Variants in ZNF677 observed in about 807,000 individuals in gnomAD.
The protein encoded by ZNF677 is zinc finger protein 677.
ZNF677 carries 5 observed loss-of-function variants against 8.1 expected under a neutral mutation model. The observed-to-expected ratio is 0.62, with a 90% CI of 0.32 to 1.29. The LOEUF (loss-of-function observed/expected upper bound fraction) is 1.29, where lower values mean the gene tolerates loss of function less well. Among genes scored for constraint, ZNF677 ranks in the 50% most tolerant of loss-of-function variants. The pLI is 0.05. For synonymous variants in ZNF677, 221 were observed against 225.6 expected (o/e 0.98, Z 0.18); for missense variants, 685 against 685.9 (o/e 1.00, Z 0.01).
chr19:53,246,487 T>TACACACACACACAC (rs60644090), intron 3 of ZNF677, among the ~76,000 whole-genome samples: 4 of 140,266 alleles, frequency 2.9e-5, no homozygotes, highest in Non-Finnish European at 4.6e-5. Flanking sequence ...AAAGAAAATG[T>TACACACACACACAC]ACACACACAC....
In ZNF677 at chr19:53,237,711, C is replaced by A. The variant is rs1182210540; in HGVS notation, c.1016G>T (p.Arg339Met). ...SQNSNLASHQRMHTGEKPYKC... is the reference protein window; with the variant it reads ...SQNSNLASHQMMHTGEKPYKC... Reference sequence around the variant, plus strand: ...GTAAGGTTTCTCTCCAGTATGCATCCTCTGATGACTTGCAAGATTTGAATT... The same window carrying A: ...GTAAGGTTTCTCTCCAGTATGCATCATCTGATGACTTGCAAGATTTGAATT... Residue 339 changes from arginine to methionine, a missense_variant, in exon 5 of 5, where the codon AGG (arginine) becomes ATG (methionine). Coordinates refer to ENST00000598513, the MANE Select transcript of ZNF677 (RefSeq NM_182609.4). 1 of 1,613,708 alleles carries A rather than the reference C, an allele frequency of 6.2e-7. No homozygotes were observed. The highest frequency in any genetic ancestry group is 1.7e-5 in the Admixed American group (1 of 59,990).
chr19:53,244,485 G>A (rs2091104957), intron 3 of ZNF677, among the ~76,000 whole-genome samples: 1 of 152,154 alleles, frequency 6.6e-6, no homozygotes. Flanking sequence ...CAAAAGAAAT[G>A]CCGTACCCAT....
intron 1 of ZNF677, among the ~76,000 whole-genome samples, chr19:53,253,402 A>G (rs1258202622): frequency 6.6e-6 from 1 of 152,210 alleles, no homozygotes; most frequent in Non-Finnish European, 1.5e-5. Flanking sequence ...AAAAGTAGAA[A>G]GCATTTAGGC....
intron 2 of ZNF677, 47 bp from the exon 3 acceptor site, chr19:53,251,652 CCT>C: frequency 2.9e-6 from 4 of 1,356,852 alleles, no homozygotes; most frequent in Non-Finnish European, 4.1e-6. Context: ...CAACACACCC[CCT>C]GCCTCTACCA....
At chr19:53,253,261 T>C (rs1486041265) in intron 1 of ZNF677, 105 bp from the exon 2 acceptor site, 1 of 152,186 alleles carries the variant, frequency 6.6e-6, no homozygotes, top group East Asian at 1.9e-4. Flanking sequence ...CAAACTGGTG[T>C]TGTTCAAGGT....
chr19:53,243,659 G>GA (rs1405173121), intron 4 of ZNF677, 85 bp downstream of exon 4: 6 of 1,571,418 alleles, frequency 3.8e-6, no homozygotes. Context: ...TCCCCTTTTA[G>GA]AACAGGGATC....
At chr19:53,250,846 C>A (rs960070563) in intron 3 of ZNF677, among the ~76,000 whole-genome samples, 1 of 152,176 alleles carries the variant, frequency 6.6e-6, no homozygotes, top group African/African-American at 2.4e-5. Context: ...ACATTTTTAT[C>A]TAAACACCCA....
chr19:53,241,836 T>C lies in ZNF677; in HGVS notation c.169+1908A>G, dbSNP rs2091053988. The C allele has an allele frequency of 1.0e-5, 4 of 398,650 alleles. No homozygotes were observed. The East Asian group carries it at 1.4e-4, about 14-fold the overall frequency. The allele number at this position is 398,650 out of a possible 1,614,324, so 24.7% of individuals were successfully genotyped here. A position where few individuals can be genotyped will look rare whatever the true frequency, so the allele number is the denominator to read the frequency against. On this transcript the variant is annotated intron_variant, in intron 4 of 4. Transcript: ENST00000598513. The stretch of plus-strand genomic sequence containing the variant: ...TCTGTCACCAAGGAAACCTCTTCCA[T>C]GGGAGAGTCCACCAAAAGTTGTCCA...
intron 4 of ZNF677, chr19:53,241,068 A>G (rs1338935103): frequency 6.6e-6 from 1 of 152,192 alleles, no homozygotes; most frequent in Non-Finnish European, 1.5e-5. Flanking sequence ...GGAATAACTA[A>G]TACTATCCTT....
chr19:53,246,569 G>A (rs904026264), intron 3 of ZNF677, among the ~76,000 whole-genome samples: 1 of 149,984 alleles, frequency 6.7e-6, no homozygotes, highest in Non-Finnish European at 1.5e-5. Flanking sequence ...TAAAAAGAAG[G>A]AAATCCTATT....
intron 4 of ZNF677, chr19:53,242,432 G>A (rs1000125975): frequency 6.0e-5 from 24 of 398,500 alleles, no homozygotes; most frequent in African/African-American, 4.7e-4. Context: ...CAGGCTGCAA[G>A]GTGAGAACCT....
chr19:53,236,836 C>A lies in ZNF677; in HGVS notation c.*136G>T. On this transcript the variant is annotated 3_prime_UTR_variant, in exon 5 of 5. Coordinates refer to ENST00000598513, the MANE Select transcript of ZNF677 (RefSeq NM_182609.4). The stretch of plus-strand genomic sequence containing the variant: ...CACAAGGCTTGAACTTTGGATAAGC[C>A]TTGCCATACATGTTATCTTTGTGTG... 1.3e-6 allele frequency: 1 copy of A among 762,056 alleles called. No homozygotes were observed. Among genetic ancestry groups the A allele is most frequent in the South Asian group, 2.6e-5 (1 of 38,534 alleles). The allele number at this position is 762,056 out of a possible 1,614,324, so 47.2% of individuals were successfully genotyped here.
chr19:53,251,914 A>C (rs547506915), intron 2 of ZNF677, among the ~76,000 whole-genome samples: 1 of 152,210 alleles, frequency 6.6e-6, no homozygotes, highest in African/African-American at 2.4e-5. Context: ...CCAGTATCCA[A>C]TGACTGTCAG....
intron 3 of ZNF677, among the ~76,000 whole-genome samples, chr19:53,246,931 T>C (rs982708103): frequency 1.5e-4 from 23 of 152,204 alleles, no homozygotes; most frequent in African/African-American, 5.3e-4. Context: ...GCAATGGATA[T>C]GTTTATGACA....
chr19:53,237,424 C>T lies in ZNF677; in HGVS notation c.1303G>A (p.Val435Met). Residue 435 changes from valine (V) to methionine (M), a missense_variant, in exon 5 of 5, where the codon GTG (valine) becomes ATG (methionine). Physicochemically the swap from Val to Met is conservative, Grantham distance 21. Transcript: ENST00000598513. ...HPGEKPHKCN[V>M]CGRAFIQSSS... is the part of the protein sequence containing the mutation. ...CTTTGGATAAAAGCCCTGCCACACA[C>T]ATTACATTTGTGTGGTTTCTCTCCA... 6.2e-7 allele frequency: 1 copy of T among 1,613,928 alleles called. No homozygotes were observed. Among genetic ancestry groups the T allele is most frequent in the Non-Finnish European group, 8.5e-7 (1 of 1,179,940 alleles).
At chr19:53,252,058 C>T (rs7259373) in intron 2 of ZNF677, among the ~76,000 whole-genome samples, 1,997 of 152,186 alleles carry the variant, frequency 0.013, 51 homozygotes, top group African/African-American at 0.046. Flanking sequence ...AAAGATATAA[C>T]GCCAGGAGAT....
chr19:53,239,495 T>C (rs1279519482), intron 4 of ZNF677: 3 of 152,158 alleles, frequency 2.0e-5, no homozygotes, highest in African/African-American at 7.2e-5. Flanking sequence ...AGAAACTCCC[T>C]GACTAGGAAA....
chr19:53,236,862 G>T lies in ZNF677; in HGVS notation c.*110C>A. On this transcript the variant is annotated 3_prime_UTR_variant, in exon 5 of 5. Coordinates refer to ENST00000598513, the MANE Select transcript of ZNF677 (RefSeq NM_182609.4). ...TTGCCATACATGTTATCTTTGTGTGGTTTATCTCAAAGATGTATATTCTGG... is the reference window on the plus strand; with the variant it reads ...TTGCCATACATGTTATCTTTGTGTGTTTTATCTCAAAGATGTATATTCTGG... 5 of 1,003,174 alleles carry T rather than the reference G, an allele frequency of 5.0e-6. No individual in the cohort carries two copies. Among genetic ancestry groups the T allele is most frequent in the East Asian group, 2.6e-5 (1 of 37,806 alleles). The allele number at this position is 1,003,174 out of a possible 1,614,324, so 62.1% of individuals were successfully genotyped here.
intron 3 of ZNF677, among the ~76,000 whole-genome samples, chr19:53,246,013 G>T (rs2091131358): frequency 6.8e-6 from 1 of 147,108 alleles, no homozygotes; most frequent in Non-Finnish European, 1.5e-5. Context: ...CTCCATCTCA[G>T]GAAAAAATAA....
Sources: gnomAD v4.1 joint callset for allele counts (sites outside exome capture counted in the v4.1 genomes callset) on GRCh38, gnomAD v4.1.1 for gene constraint, MANE v1.5 for transcripts, NCBI Gene and HGNC (gene_info 2026-07-23, HGNC 2026-07-21) for gene names.